Variants in METTL15 observed in about 807,000 individuals in gnomAD.
METTL15 encodes methyltransferase 15, mitochondrial 12S rRNA N4-cytidine.
METTL15 carries 34 observed loss-of-function variants against 38.3 expected under a neutral mutation model. That is an observed-to-expected ratio of 0.89 (90% CI 0.68 to 1.18). METTL15 has a LOEUF of 1.18. Among genes scored for constraint, METTL15 ranks in the 50% most tolerant of loss-of-function variants. The pLI is 0.00. For synonymous variants in METTL15, 162 were observed against 170.9 expected (o/e 0.95, Z 0.41); for missense variants, 438 against 498.4 (o/e 0.88, Z 1.15).
chr11:28,238,365 G>A (rs552223437), intron 4 of METTL15, among the ~76,000 whole-genome samples: 8 of 152,162 alleles, frequency 5.3e-5, no homozygotes, highest in African/African-American at 9.7e-5. Flanking sequence ...TCAGACTGCC[G>A]TGCTAGCAAT....
intron 4 of METTL15, among the ~76,000 whole-genome samples, chr11:28,222,361 G>A (rs1853276144): frequency 6.6e-6 from 1 of 152,204 alleles, no homozygotes; most frequent in African/African-American, 2.4e-5. Flanking sequence ...CCATGCCCAG[G>A]ATATAATCTC....
At chr11:28,506,746 T>TG (rs1851630836) in intron 6 of METTL15, among the ~76,000 whole-genome samples, 1 of 50,922 alleles carries the variant, frequency 2.0e-5, no homozygotes. Context: ...CTTTTTTTTT[T>TG]TTTTTTTTTT....
At chr11:28,438,679 T>C (rs184831534) in intron 6 of METTL15, among the ~76,000 whole-genome samples, 2,081 of 144,012 alleles carry the variant, frequency 0.014, 25 homozygotes, top group African/African-American at 0.042. Flanking sequence ...TTTCTTTTTT[T>C]TTTTTTTTTT....
At chr11:28,389,614 C>G (rs1850480420) in intron 5 of METTL15, among the ~76,000 whole-genome samples, 1 of 152,016 alleles carries the variant, frequency 6.6e-6, no homozygotes, top group South Asian at 2.1e-4. Context: ...GCCACATTTT[C>G]TTAATCCAGT....
chr11:28,212,878 G>A (rs182395334), intron 4 of METTL15, among the ~76,000 whole-genome samples: 163 of 152,268 alleles, frequency 1.1e-3, no homozygotes, highest in African/African-American at 2.1e-3. Flanking sequence ...CCAATCCAAT[G>A]ATTTCAGTGG....
At chr11:28,326,768 T>C (rs2134056931) in intron 6 of METTL15, among the ~76,000 whole-genome samples, 1 of 151,714 alleles carries the variant, frequency 6.6e-6, no homozygotes, top group East Asian at 2.0e-4. Flanking sequence ...TTTGTTTTTG[T>C]TTTTGTTTTT....
chr11:28,318,970 A>C (rs2134042145), intron 6 of METTL15, among the ~76,000 whole-genome samples: 1 of 152,320 alleles, frequency 6.6e-6, no homozygotes, highest in African/African-American at 2.4e-5. Context: ...ACAATAAGTT[A>C]TTTTCAATAG....
intron 3 of METTL15, among the ~76,000 whole-genome samples, chr11:28,129,721 G>C (rs1026636162): frequency 1.3e-5 from 2 of 151,962 alleles, no homozygotes; most frequent in African/African-American, 4.8e-5. Context: ...CTTATAATTA[G>C]TTTTTAAATA....
chr11:28,483,074 A>C (rs1421325551), intron 6 of METTL15, among the ~76,000 whole-genome samples: 1 of 152,162 alleles, frequency 6.6e-6, no homozygotes, highest in African/African-American at 2.4e-5. Flanking sequence ...CCAAACCAGG[A>C]ACTGTATTTT....
chr11:28,207,545 A>G (rs1034108161), intron 3 of METTL15, among the ~76,000 whole-genome samples: 3 of 152,072 alleles, frequency 2.0e-5, no homozygotes, highest in African/African-American at 7.3e-5. Flanking sequence ...ATCAGGGTTC[A>G]TCAAGGATAT....
intron 3 of METTL15, among the ~76,000 whole-genome samples, chr11:28,126,500 A>G (rs1852492840): frequency 6.6e-6 from 1 of 152,092 alleles, no homozygotes; most frequent in South Asian, 2.1e-4. Flanking sequence ...TGTTGAAATA[A>G]TTATTGAATG....
At chr11:28,137,502 G>A (rs1849553067) in intron 3 of METTL15, among the ~76,000 whole-genome samples, 1 of 152,118 alleles carries the variant, frequency 6.6e-6, no homozygotes, top group Non-Finnish European at 1.5e-5. Flanking sequence ...TTAATTATGT[G>A]CTAGGTGCAG....
intron 3 of METTL15, among the ~76,000 whole-genome samples, chr11:28,165,577 T>G (rs1850630559): frequency 6.6e-6 from 1 of 152,168 alleles, no homozygotes; most frequent in South Asian, 2.1e-4. Flanking sequence ...ATTAGATGTA[T>G]GGTTTGCAGA....
intron 6 of METTL15, among the ~76,000 whole-genome samples, chr11:28,297,624 G>A (rs2134003590): frequency 6.6e-6 from 1 of 152,198 alleles, no homozygotes; most frequent in South Asian, 2.1e-4. Context: ...TGAAGCCAAA[G>A]TTGTTTCACA....
chr11:28,240,820 C>G (rs753197354), intron 4 of METTL15, among the ~76,000 whole-genome samples: 1 of 151,926 alleles, frequency 6.6e-6, no homozygotes, highest in African/African-American at 2.4e-5. Flanking sequence ...TAGGGGATAG[C>G]CAAGTTTTTT....
chr11:28,247,562 T>C (rs1051627832), intron 4 of METTL15, among the ~76,000 whole-genome samples: 17 of 152,172 alleles, frequency 1.1e-4, no homozygotes, highest in African/African-American at 3.9e-4. Context: ...GCATCTTTTG[T>C]AATTTGACCC....
At chr11:28,169,289 G>A (rs900545549) in intron 3 of METTL15, among the ~76,000 whole-genome samples, 1 of 152,090 alleles carries the variant, frequency 6.6e-6, no homozygotes, top group African/African-American at 2.4e-5. Flanking sequence ...GCTGTTATAA[G>A]TACTTTGACA....
chr11:28,210,164 T>C (rs772285800), intron 3 of METTL15, among the ~76,000 whole-genome samples: 3 of 151,902 alleles, frequency 2.0e-5, no homozygotes, highest in Non-Finnish European at 4.4e-5. Context: ...AGCCAAGAAA[T>C]AGATTCAGAT....
At chr11:28,505,494 G>C (rs1489521891) in intron 6 of METTL15, among the ~76,000 whole-genome samples, 1 of 152,144 alleles carries the variant, frequency 6.6e-6, no homozygotes, top group Non-Finnish European at 1.5e-5. Flanking sequence ...AAACAAACAA[G>C]CAAATCCATA....
Sources: allele counts gnomAD v4.1 joint callset (sites outside exome capture counted in the v4.1 genomes callset), GRCh38; gene constraint gnomAD v4.1.1; transcripts MANE v1.5; gene names NCBI Gene and HGNC (gene_info 2026-07-23, HGNC 2026-07-21).